Variants in RHBDL3 observed in about 807,000 individuals in gnomAD.
RHBDL3 encodes rhomboid-related protein 3.
In RHBDL3, 28 loss-of-function variants were observed where a neutral mutation model predicts 48.2. The observed-to-expected ratio is 0.58, with a 90% CI of 0.43 to 0.80. RHBDL3 has a LOEUF of 0.80. Among genes scored for constraint, RHBDL3 ranks in the 30% least tolerant of loss-of-function variants. RHBDL3 has a pLI of 0.00. For missense variants in RHBDL3, 464 were observed against 542.7 expected (o/e 0.85, Z 1.44); for synonymous variants, 208 against 232.3 (o/e 0.90, Z 0.95).
Position 32,321,368 on chromosome 17 carries a change from T to C in RHBDL3, c.*139T>C. The C allele has an allele frequency of 6.5e-7, 1 of 1,540,766 alleles. No homozygotes were observed. The highest frequency in any genetic ancestry group is 1.2e-5 in the South Asian group (1 of 84,040). ...CTCTGGGCCACTGTAATGTTTGTGT[T>C]TAGATTTGGACACACAGTGGAGACC... is the stretch of plus-strand genomic sequence containing the variant. On this transcript the variant is annotated 3_prime_UTR_variant, in exon 9 of 9. Transcript: ENST00000269051.
At chr17:32,315,694 A>G (rs553000422) in intron 7 of RHBDL3, among the ~76,000 whole-genome samples, 8 of 151,806 alleles carry the variant, frequency 5.3e-5, no homozygotes, top group Non-Finnish European at 1.2e-4. Flanking sequence ...TGAAGTTTTC[A>G]TCCATTGCAT....
At chr17:32,302,415 G>GAT (rs2040605257) in intron 6 of RHBDL3, among the ~76,000 whole-genome samples, 2 of 151,980 alleles carry the variant, frequency 1.3e-5, no homozygotes, top group African/African-American at 4.8e-5. Flanking sequence ...GGAGTGTAGT[G>GAT]GCACGATCTC....
At chr17:32,283,198 G>A (rs567960492) in intron 2 of RHBDL3, among the ~76,000 whole-genome samples, 2 of 152,088 alleles carry the variant, frequency 1.3e-5, no homozygotes, top group East Asian at 3.9e-4. Flanking sequence ...AGCTCCTGGC[G>A]TCCAGGAGAT....
intron 2 of RHBDL3, among the ~76,000 whole-genome samples, chr17:32,283,375 G>T (rs2150706006): frequency 7.3e-6 from 1 of 137,818 alleles, no homozygotes; most frequent in East Asian, 2.1e-4. Flanking sequence ...AGGCTGGAGT[G>T]CAGTGGCGTG....
At chr17:32,299,854 G>T (rs777501806) in intron 6 of RHBDL3, among the ~76,000 whole-genome samples, 17 of 152,116 alleles carry the variant, frequency 1.1e-4, no homozygotes, top group Non-Finnish European at 2.4e-4. Flanking sequence ...AGACCAGAGG[G>T]CACTCTGGTC....
intron 2 of RHBDL3, among the ~76,000 whole-genome samples, chr17:32,271,191 T>C (rs1038702118): frequency 6.6e-6 from 1 of 152,222 alleles, no homozygotes; most frequent in African/African-American, 2.4e-5. Context: ...TTCCTACTAC[T>C]TTTTCTATGA....
At chr17:32,279,905 T>G (rs2040002459) in intron 2 of RHBDL3, among the ~76,000 whole-genome samples, 1 of 152,060 alleles carries the variant, frequency 6.6e-6, no homozygotes, top group Non-Finnish European at 1.5e-5. Flanking sequence ...AAAGAGAGAA[T>G]CTGGTAGGTC....
intron 3 of RHBDL3, among the ~76,000 whole-genome samples, chr17:32,285,714 A>G (rs1401044860): frequency 6.6e-6 from 1 of 152,088 alleles, no homozygotes; most frequent in African/African-American, 2.4e-5. Flanking sequence ...GGGTTTTCCT[A>G]TTGGTGAGAT....
chr17:32,274,624 G>C (rs1202088589), intron 2 of RHBDL3, among the ~76,000 whole-genome samples: 2 of 152,136 alleles, frequency 1.3e-5, no homozygotes, highest in Non-Finnish European at 2.9e-5. Context: ...CACCACTTTG[G>C]GAGGTTGAGA....
chr17:32,289,020 A>G lies in RHBDL3; in HGVS notation c.519+4A>G. On this transcript the variant is annotated splice_donor_region_variant and intron_variant, in intron 4 of 8. Coordinates refer to ENST00000269051, the MANE Select transcript of RHBDL3 (RefSeq NM_138328.3). ...GATCACAGTCACGCTGCTGGAGGCAAGGACAAGGGTGGGGAGGGGGTTGCT... is the reference window on the plus strand; with the variant it reads ...GATCACAGTCACGCTGCTGGAGGCAGGGACAAGGGTGGGGAGGGGGTTGCT... 1 of 1,613,328 alleles carries G rather than the reference A, an allele frequency of 6.2e-7. No homozygotes were observed. The highest frequency in any genetic ancestry group is 8.5e-7 in the Non-Finnish European group (1 of 1,179,334).
chr17:32,277,872 C>T (rs1354269179), intron 2 of RHBDL3, among the ~76,000 whole-genome samples: 1 of 152,218 alleles, frequency 6.6e-6, no homozygotes, highest in African/African-American at 2.4e-5. Context: ...GTTTCTCCAG[C>T]CTAAAACCTT....
chr17:32,291,771 CTTTTTTTTTTT>C (rs36113178), intron 4 of RHBDL3, among the ~76,000 whole-genome samples: 1 of 131,274 alleles, frequency 7.6e-6, no homozygotes, highest in South Asian at 2.5e-4. Flanking sequence ...TGAGATATTC[CTTTTTTTTTTT>C]TTTTTTTTAG....
chr17:32,268,638 T>C (rs993950868), intron 2 of RHBDL3, among the ~76,000 whole-genome samples: 2 of 152,130 alleles, frequency 1.3e-5, no homozygotes, highest in Admixed American at 1.3e-4. Flanking sequence ...GATAGTTGAG[T>C]GCTATAGTCC....
chr17:32,302,877 G>A (rs993335865), intron 6 of RHBDL3, among the ~76,000 whole-genome samples: 10 of 152,206 alleles, frequency 6.6e-5, no homozygotes, highest in African/African-American at 2.4e-4. Context: ...TCCCCACTTA[G>A]CCAGAGCTGC....
At chr17:32,288,674 T>C (rs1045304573) in intron 3 of RHBDL3, 118 bp from the exon 4 acceptor site, 2 of 682,356 alleles carry the variant, frequency 2.9e-6, no homozygotes, top group Non-Finnish European at 5.1e-6. Context: ...TTAACAATTA[T>C]AGGAGAAAGG....
chr17:32,282,426 T>TG lies in RHBDL3; in HGVS notation c.136-2233_136-2232insG, dbSNP rs2040075035. On this transcript the variant is annotated intron_variant, in intron 2 of 8. Coordinates refer to ENST00000269051, the MANE Select transcript of RHBDL3 (RefSeq NM_138328.3). ...TACAAAAAATTTAAAAATTCGCTGG[T>TG]TGTGGTGGCACACAACTGTGGTCCC... Among the ~76,000 whole-genome samples the TG allele has an allele frequency of 6.6e-5, 10 of 152,104 alleles. No individual in the cohort carries two copies. The South Asian group carries it at 2.1e-3, about 32-fold the overall frequency.
chr17:32,320,954 G>T lies in RHBDL3; in HGVS notation c.944-4G>T, dbSNP rs781487711. On this transcript the variant is annotated splice_polypyrimidine_tract_variant and splice_region_variant and intron_variant, in intron 8 of 8. Coordinates refer to ENST00000269051, the MANE Select transcript of RHBDL3 (RefSeq NM_138328.3). ...TGACATCTCTCTGCTTCCTCCCCTT[G>T]CAGTGAGCATGGAGTTTGGGCGGGC... The T allele has an allele frequency of 6.2e-7, 1 of 1,609,070 alleles. No individual in the cohort carries two copies.
intron 8 of RHBDL3, among the ~76,000 whole-genome samples, chr17:32,319,790 T>G (rs1216252739): frequency 6.6e-6 from 1 of 152,208 alleles, no homozygotes; most frequent in Non-Finnish European, 1.5e-5. Flanking sequence ...TCAAAGGGCT[T>G]TATTTCAGTG....
chr17:32,271,545 G>A (rs1016896971), intron 2 of RHBDL3, among the ~76,000 whole-genome samples: 5 of 152,176 alleles, frequency 3.3e-5, no homozygotes, highest in East Asian at 1.9e-4. Context: ...GCCAAATAGC[G>A]GGGCAGTGAC....
Sources: allele counts gnomAD v4.1 joint callset (sites outside exome capture counted in the v4.1 genomes callset), GRCh38; gene constraint gnomAD v4.1.1; transcripts MANE v1.5; gene names NCBI Gene and HGNC (gene_info 2026-07-23, HGNC 2026-07-21).